DDX60L: variants seen among roughly 807,000 people sequenced by gnomAD.
DDX60L encodes the protein DExD/H-box 60 like, also known as probable ATP-dependent RNA helicase DDX60-like.
A neutral mutation model predicts 211.6 loss-of-function variants in DDX60L; 191 were observed. The observed-to-expected ratio is 0.90, with a 90% CI of 0.80 to 1.02. DDX60L has a LOEUF of 1.02. DDX60L is among the 50% of genes least tolerant of loss of function. The pLI, the probability that DDX60L is intolerant of heterozygous loss-of-function variation, is 0.00. For missense variants in DDX60L, 2,007 were observed against 1,984.1 expected, an observed-to-expected ratio of 1.01 and a Z score of -0.22; for synonymous variants, 706 against 694.1, an observed-to-expected ratio of 1.02 and a Z score of -0.27.
In DDX60L at chr4:168,403,993, T is replaced by C; in HGVS notation, c.3327A>G (p.Ala1109=). 2 of 1,463,134 alleles carry C rather than the reference T, an allele frequency of 1.4e-6. No homozygotes were observed. The highest frequency in any genetic ancestry group is 2.9e-5 in the African/African-American group (2 of 69,936). The allele number at this position is 1,463,134 out of a possible 1,614,324, so 90.6% of individuals were successfully genotyped here. A position where few individuals can be genotyped will look rare whatever the true frequency, so the allele number is the denominator to read the frequency against. Reference sequence around the variant, plus strand: ...TTTCAGTTACTTACAAAAAAAATATTGCAGGCAACTTATCCATTTGTCTTA... The same window carrying C: ...TTTCAGTTACTTACAAAAAAAATATCGCAGGCAACTTATCCATTTGTCTTA... ...EKLRQMDKLP[A]IFFLFKNDDV... The change falls in exon 25 of 38, where the codon GCA becomes GCG. Residue 1109 remains alanine, a synonymous_variant. Coordinates refer to ENST00000682922, the MANE Select transcript of DDX60L (RefSeq NM_001012967.3).
At chr4:168,378,800 T>C (rs1742415567) in intron 32 of DDX60L, among the ~76,000 whole-genome samples, 1 of 152,132 alleles carries the variant, frequency 6.6e-6, no homozygotes. Context: ...TTCCAAAGCA[T>C]GAATATAAAC....
rs1454889290 is a variant in DDX60L at position 168,379,366 on chromosome 4, T to C, written c.4360A>G (p.Lys1454Glu). ...CAGGTATAAAACCCAAGCTTACCTTTCCAGGCTGGCTTACAGAGATTATGG... is the reference window on the plus strand; with the variant it reads ...CAGGTATAAAACCCAAGCTTACCTTCCCAGGCTGGCTTACAGAGATTATGG... ...LFHNLCKPAW[K>E]GSQQFSQDVM... The change falls in exon 32 of 38, where the codon AAA becomes GAA. Residue 1454 changes from lysine to glutamate, a missense_variant. Transcript: ENST00000682922. 5 of 1,564,794 alleles carry C rather than the reference T, an allele frequency of 3.2e-6. No individual in the cohort carries two copies. In the African/African-American group the frequency reaches 7.0e-5, roughly 22 times the overall value.
intron 22 of DDX60L, among the ~76,000 whole-genome samples, chr4:168,411,449 A>G (rs2149819369): frequency 6.6e-6 from 1 of 152,258 alleles, no homozygotes; most frequent in East Asian, 1.9e-4. Context: ...TTTGCATTAG[A>G]ATTCAGTGTT....
intron 22 of DDX60L, among the ~76,000 whole-genome samples, chr4:168,409,938 G>A (rs1446729059): frequency 2.0e-5 from 3 of 152,038 alleles, no homozygotes; most frequent in Non-Finnish European, 4.4e-5. Context: ...ATGTTGTGAA[G>A]GTTAAAAGAG....
chr4:168,428,176 C>A (rs914669269), intron 13 of DDX60L, among the ~76,000 whole-genome samples: 7 of 152,210 alleles, frequency 4.6e-5, no homozygotes, highest in African/African-American at 1.7e-4. Context: ...CCTGAGCCAG[C>A]CCCACCTGGC....
chr4:168,409,032 T>C (rs1748225026), intron 22 of DDX60L, among the ~76,000 whole-genome samples: 3 of 152,220 alleles, frequency 2.0e-5, no homozygotes. Context: ...AATACTATAC[T>C]CATTTGGATA....
In DDX60L at chr4:168,430,514, C is replaced by A; in HGVS notation, c.1641G>T (p.Lys547Asn). 6.2e-7 allele frequency: 1 copy of A among 1,609,032 alleles called. No individual in the cohort carries two copies. The highest frequency in any genetic ancestry group is 8.5e-7 in the Non-Finnish European group (1 of 1,178,154). ...CACCACTGGCACCACTGGAATCCTC[C>A]TTTGGCCGAGTAGTTTGAGTCACAA... is the stretch of plus-strand genomic sequence containing the variant. ...KVIVTQTTRP[K>N]EDSSGASGEI... Residue 547 changes from lysine (K) to asparagine (N), a missense_variant, in exon 13 of 38, where the codon AAG (lysine) becomes AAT (asparagine). By Grantham distance (94) the Lys-to-Asn change is moderately conservative. Transcript: ENST00000682922.
chr4:168,367,070 G>A (rs1021486632), intron 36 of DDX60L, among the ~76,000 whole-genome samples: 6 of 151,866 alleles, frequency 4.0e-5, no homozygotes, highest in African/African-American at 1.5e-4. Flanking sequence ...TATGATGCTG[G>A]GAAAATTAGA....
Position 168,357,317 on chromosome 4 carries a change from CT to C in DDX60L, c.*829del, listed in dbSNP as rs1178363648. ...AGTGGTTTATAACTACTCCAAGTGA[CT>C]GTTTTAGTCAATTCAGACTGCTTCA... On this transcript the variant is annotated 3_prime_UTR_variant, in exon 38 of 38. Coordinates refer to ENST00000682922, the MANE Select transcript of DDX60L (RefSeq NM_001012967.3). 6.6e-6 allele frequency: 1 copy of C among 152,202 alleles called. No homozygotes were observed. Among genetic ancestry groups the C allele is most frequent in the African/African-American group, 2.4e-5 (1 of 41,450 alleles). The allele number at this position is 152,202 out of a possible 1,614,324, so 9.4% of individuals were successfully genotyped here.
chr4:168,441,068 T>C (rs1217401501), intron 10 of DDX60L, among the ~76,000 whole-genome samples: 1 of 152,140 alleles, frequency 6.6e-6, no homozygotes, highest in Non-Finnish European at 1.5e-5. Context: ...AGGAACTTTC[T>C]CTTGAGGTGC....
chr4:168,442,364 G>A (rs866648284), intron 9 of DDX60L, among the ~76,000 whole-genome samples: 92 of 151,732 alleles, frequency 6.1e-4, no homozygotes, highest in African/African-American at 1.8e-3. Flanking sequence ...CGCCCACGGA[G>A]TCTCGCTGAT....
At chr4:168,422,371 T>C (rs1000775) in intron 16 of DDX60L, among the ~76,000 whole-genome samples, 153 bp downstream of exon 16, 16,550 of 152,192 alleles carry the variant, frequency 0.11, 1,541 homozygotes, top group African/African-American at 0.25. Context: ...AAATGAATGA[T>C]TTCTCATACT....
chr4:168,377,521 A>T (rs1165423402), intron 33 of DDX60L, among the ~76,000 whole-genome samples: 4 of 152,092 alleles, frequency 2.6e-5, no homozygotes, highest in African/African-American at 9.7e-5. Context: ...TTTTGAAATC[A>T]AAGATCCTGG....
In DDX60L at chr4:168,375,357, TG is replaced by T. The variant is rs1317719333; in HGVS notation, c.4633+19del. 6.2e-7 allele frequency: 1 copy of T among 1,607,028 alleles called. No individual in the cohort carries two copies. The highest frequency in any genetic ancestry group is 8.5e-7 in the Non-Finnish European group (1 of 1,175,982). On this transcript the variant is annotated intron_variant, in intron 34 of 37. Transcript: ENST00000682922. ...GTTTACTCTTTAAATTGTTCCGGAA[TG>T]GAACTAAAATCTGCTTACTGATTCT...
In DDX60L at chr4:168,446,008, T is replaced by C. The variant is rs562903918; in HGVS notation, c.1138+2630A>G. On this transcript the variant is annotated intron_variant, in intron 9 of 37. Coordinates refer to ENST00000682922, the MANE Select transcript of DDX60L (RefSeq NM_001012967.3). Reference sequence around the variant, plus strand: ...CCTCTCTCACCACTCCTATTCAACATAGTGTTGGAAGTTCTGGCCAGGGCA... The same window carrying C: ...CCTCTCTCACCACTCCTATTCAACACAGTGTTGGAAGTTCTGGCCAGGGCA... Among the ~76,000 whole-genome samples the C allele has an allele frequency of 5.5e-5, 8 of 146,738 alleles. No homozygotes were observed. In the East Asian group the frequency reaches 1.2e-3, roughly 22 times the overall value.
chr4:168,471,292 A>C (rs1271713165), intron 4 of DDX60L: 5 of 152,566 alleles, frequency 3.3e-5, no homozygotes, highest in Admixed American at 3.3e-4. Flanking sequence ...ATGAAGAAGT[A>C]AGTAAAATAA....
At chr4:168,469,226 A>G (rs975967058) in intron 4 of DDX60L, 1 of 152,036 alleles carries the variant, frequency 6.6e-6, no homozygotes, top group Non-Finnish European at 1.5e-5. Flanking sequence ...GATGGAACAT[A>G]GTAGAAAGCC....
rs1489605450 is a variant in DDX60L at position 168,396,024 on chromosome 4, A to C, written c.3592T>G (p.Ser1198Ala). 5 of 1,611,516 alleles carry C rather than the reference A, an allele frequency of 3.1e-6. No homozygotes were observed. Among genetic ancestry groups the C allele is most frequent in the Non-Finnish European group, 4.2e-6 (5 of 1,178,078 alleles). The change falls in exon 27 of 38, where the codon TCT becomes GCT. Residue 1198 changes from serine (S) to alanine (A), a missense_variant. By Grantham distance (99) the Ser-to-Ala change is moderately conservative. Coordinates refer to ENST00000682922, the MANE Select transcript of DDX60L (RefSeq NM_001012967.3). ...ACATCAGCATACGTGCAGTCCTCAG[A>C]AATTTCCAGAATCTTCAGATTCTCC... ...FLENLKILEI[S>A]EDCTYADVKA...
At chr4:168,448,615 G>A (rs1475685832) in intron 9 of DDX60L, 23 bp downstream of exon 9, 1 of 1,476,422 alleles carries the variant, frequency 6.8e-7, no homozygotes, top group Admixed American at 2.1e-5. Context: ...ATGATATAAT[G>A]TTAATGCATA....
Sources: gnomAD v4.1 joint callset for allele counts (sites outside exome capture counted in the v4.1 genomes callset) on GRCh38, gnomAD v4.1.1 for gene constraint, MANE v1.5 for transcripts, NCBI Gene and HGNC (gene_info 2026-07-23, HGNC 2026-07-21) for gene names.